NR1H4: variants seen among roughly 807,000 people sequenced by gnomAD.
The protein encoded by NR1H4 is nuclear receptor subfamily 1 group H member 4, also known as bile acid receptor.
NR1H4 carries 23 observed loss-of-function variants against 58.5 expected under a neutral mutation model. The observed-to-expected ratio is 0.39, with a 90% confidence interval of 0.28 to 0.56. The LOEUF is 0.56. Among genes scored for constraint, NR1H4 ranks in the 20% least tolerant of loss-of-function variants. The pLI, the probability that NR1H4 is intolerant of heterozygous loss-of-function variation, is 0.58. For synonymous variants in NR1H4, 214 were observed against 198.0 expected (o/e 1.08, Z -0.68); for missense variants, 487 against 576.9 (o/e 0.84, Z 1.60).
chr12:100,528,255 C>T (rs939770947), intron 4 of NR1H4, among the ~76,000 whole-genome samples: 11 of 152,048 alleles, frequency 7.2e-5, no homozygotes, highest in Non-Finnish European at 1.3e-4. Context: ...TATGTGGCTT[C>T]TACCAGTATA....
intron 4 of NR1H4, among the ~76,000 whole-genome samples, chr12:100,529,848 T>A (rs1463724960): frequency 6.6e-6 from 1 of 152,220 alleles, no homozygotes; most frequent in Admixed American, 6.5e-5. Flanking sequence ...CTTATCTTGC[T>A]AGAACAATTT....
At chr12:100,552,465 G>T (rs1415251604) in intron 9 of NR1H4, among the ~76,000 whole-genome samples, 1 of 152,172 alleles carries the variant, frequency 6.6e-6, no homozygotes, top group Non-Finnish European at 1.5e-5. Flanking sequence ...ACAAGAATAT[G>T]TCCATTGCCT....
At chr12:100,490,930 G>A (rs1953591597) in intron 1 of NR1H4, among the ~76,000 whole-genome samples, 1 of 152,064 alleles carries the variant, frequency 6.6e-6, no homozygotes, top group Non-Finnish European at 1.5e-5. Flanking sequence ...AGCTTGGCTG[G>A]GACTACAGGT....
rs565696443 is a variant in NR1H4 at position 100,504,060 on chromosome 12, TA to T, written c.80-6707del. Among the ~76,000 whole-genome samples, 562 of 145,298 alleles carry T rather than the reference TA, an allele frequency of 3.9e-3. 5 individuals are homozygous for T. Among genetic ancestry groups the T allele is most frequent in the African/African-American group, 0.012 (487 of 39,956 alleles). On this transcript the variant is annotated intron_variant, in intron 3 of 10. Coordinates refer to ENST00000392986, the MANE Select transcript of NR1H4 (RefSeq NM_001206979.2). ...ATGTATCTAAAACCGTAGGTTGTGG[TA>T]AAAAAAAAAATGAAAAGAGTTTGGG...
At chr12:100,537,102 C>T in intron 8 of NR1H4, 55 bp downstream of exon 8, 1 of 1,045,094 alleles carries the variant, frequency 9.6e-7, no homozygotes, top group South Asian at 1.4e-5. Flanking sequence ...TATGTGCCCA[C>T]AGATTAGATT....
chr12:100,495,872 C>T (rs1295987982), intron 3 of NR1H4, among the ~76,000 whole-genome samples: 2 of 152,008 alleles, frequency 1.3e-5, no homozygotes, highest in Non-Finnish European at 1.5e-5. Flanking sequence ...CCTTCATGTG[C>T]GTAGGGTGGA....
chr12:100,496,696 G>A (rs544384862), intron 3 of NR1H4, among the ~76,000 whole-genome samples: 32 of 152,220 alleles, frequency 2.1e-4, no homozygotes, highest in African/African-American at 6.7e-4. Flanking sequence ...CTTGGTACAC[G>A]GCTCAACAAG....
intron 4 of NR1H4, among the ~76,000 whole-genome samples, chr12:100,517,876 A>G (rs1954306976): frequency 6.6e-6 from 1 of 152,220 alleles, no homozygotes; most frequent in Non-Finnish European, 1.5e-5. Flanking sequence ...TCAAAACTAT[A>G]GCTTATAATC....
chr12:100,498,640 GA>G lies in NR1H4; in HGVS notation c.79+5245del, dbSNP rs200062496. On this transcript the variant is annotated intron_variant, in intron 3 of 10. Coordinates refer to ENST00000392986, the MANE Select transcript of NR1H4 (RefSeq NM_001206979.2). ...AAAAAAAACCAAACAAACAAAACAA[GA>G]AAAAAACACCAAAAAACAAAAACAA... Among the ~76,000 whole-genome samples, 139 of 151,398 alleles carry G rather than the reference GA, an allele frequency of 9.2e-4. 5 individuals are homozygous for G. The East Asian group carries it at 0.023, about 25-fold the overall frequency.
chr12:100,562,758 G>A (rs1955504316), intron 10 of NR1H4, among the ~76,000 whole-genome samples: 1 of 151,910 alleles, frequency 6.6e-6, no homozygotes, highest in Non-Finnish European at 1.5e-5. Context: ...AATAATTTGG[G>A]TGTCGAATGA....
intron 3 of NR1H4, among the ~76,000 whole-genome samples, chr12:100,500,210 G>T (rs755077830): frequency 3.3e-5 from 5 of 152,148 alleles, no homozygotes; most frequent in Non-Finnish European, 7.4e-5. Flanking sequence ...AACTGGGAAG[G>T]TCTTTCAATA....
intron 4 of NR1H4, among the ~76,000 whole-genome samples, chr12:100,516,878 A>G (rs1446296117): frequency 1.3e-5 from 2 of 152,182 alleles, no homozygotes; most frequent in Non-Finnish European, 2.9e-5. Flanking sequence ...CTCATATCTT[A>G]TGTCCATTTT....
chr12:100,559,365 G>T (rs1189237506), intron 9 of NR1H4, among the ~76,000 whole-genome samples: 1 of 152,244 alleles, frequency 6.6e-6, no homozygotes, highest in African/African-American at 2.4e-5. Context: ...CCCTTAGCTT[G>T]CAGGGAGGTG....
At chr12:100,536,439 A>G in intron 6 of NR1H4, 73 bp from the exon 7 acceptor site, 1 of 851,698 alleles carries the variant, frequency 1.2e-6, no homozygotes, top group Admixed American at 1.8e-5. Flanking sequence ...AGGTCCCTCC[A>G]GATGAATGCA....
At chr12:100,521,503 T>C (rs1954417580) in intron 4 of NR1H4, among the ~76,000 whole-genome samples, 1 of 152,224 alleles carries the variant, frequency 6.6e-6, no homozygotes, top group Admixed American at 6.5e-5. Context: ...AATGGCTGCA[T>C]TTCCAAATAG....
chr12:100,537,459 C>G (rs1465223422), intron 8 of NR1H4, among the ~76,000 whole-genome samples: 1 of 152,142 alleles, frequency 6.6e-6, no homozygotes, highest in Non-Finnish European at 1.5e-5. Context: ...GATACCTACT[C>G]TATACTAAGT....
At chr12:100,553,287 T>C (rs1260861190) in intron 9 of NR1H4, among the ~76,000 whole-genome samples, 3 of 152,204 alleles carry the variant, frequency 2.0e-5, no homozygotes, top group Admixed American at 6.5e-5. Context: ...TGTGAGTCAC[T>C]GCGCCCGGCC....
rs1255007444 is a variant in NR1H4 at position 100,510,936 on chromosome 12, T to G, written c.238T>G (p.Trp80Gly). ...TTTCTACCCCCAGCAGCCTGAAGAG[T>G]GGTACTCTCCTGGAATATATGAACT... ...LGFYPQQPEE[W>G]YSPGIYELRR... Residue 80 changes from tryptophan (W) to glycine (G), a missense_variant, in exon 4 of 11, where the codon TGG becomes GGG. Trp to Gly is a radical substitution (Grantham distance 184). Transcript: ENST00000392986. 6.2e-7 allele frequency: 1 copy of G among 1,614,012 alleles called. No homozygotes were observed. The highest frequency in any genetic ancestry group is 2.2e-5 in the East Asian group (1 of 44,880).
chr12:100,545,602 A>T (rs1393635113), intron 9 of NR1H4, among the ~76,000 whole-genome samples: 1 of 134,432 alleles, frequency 7.4e-6, no homozygotes, highest in African/African-American at 2.8e-5. Flanking sequence ...AGATTGTGCC[A>T]CTGTACTCCA....
Sources: allele counts gnomAD v4.1 joint callset (sites outside exome capture counted in the v4.1 genomes callset), GRCh38; gene constraint gnomAD v4.1.1; transcripts MANE v1.5; gene names NCBI Gene and HGNC (gene_info 2026-07-23, HGNC 2026-07-21).